The following OVCA2 variants were observed in gnomAD, a reference collection of about 807,000 sequenced individuals.
The protein encoded by OVCA2 is OVCA2 serine hydrolase domain containing.
A neutral mutation model predicts 10.1 loss-of-function variants in OVCA2; 14 were observed. That is an observed-to-expected ratio of 1.39 (90% CI 0.92 to 2.17). The LOEUF is 2.17. Among genes scored for constraint, OVCA2 ranks in the 30% most tolerant of loss-of-function variants. The probability of loss-of-function intolerance (pLI) is 0.00; values close to 1 mark genes in which losing one functional copy is unlikely to be tolerated. For synonymous variants in OVCA2, 201 were observed against 134.1 expected, an observed-to-expected ratio of 1.50 and a Z score of -3.45; for missense variants, 376 against 300.5, an observed-to-expected ratio of 1.25 and a Z score of -1.86.
Position 2,042,074 on chromosome 17 carries a change from C to T in OVCA2, c.27C>T (p.Val9=), listed in dbSNP as rs1158803339. 4 of 1,561,530 alleles carry T rather than the reference C, an allele frequency of 2.6e-6. No homozygotes were observed. The highest frequency in any genetic ancestry group is 2.4e-5 in the East Asian group (1 of 42,308). MAAQRPLR[V]LCLAGFRQSE... Reference sequence around the variant, plus strand: ...TGGCCGCGCAGCGACCCCTGCGGGTCCTGTGCCTGGCGGGCTTCCGGCAGA... The same window carrying T: ...TGGCCGCGCAGCGACCCCTGCGGGTTCTGTGCCTGGCGGGCTTCCGGCAGA... The change falls in exon 1 of 2, where the codon GTC becomes GTT. Residue 9 remains valine, a synonymous_variant. Transcript: ENST00000572195.
Position 2,043,328 on chromosome 17 carries a change from C to A in OVCA2, c.*224C>A. On this transcript the variant is annotated 3_prime_UTR_variant, in exon 2 of 2. Coordinates refer to ENST00000572195, the MANE Select transcript of OVCA2 (RefSeq NM_080822.3). ...GGACATTGACTTGTGAAAACGCAAA[C>A]ATGAATATGGTTGGAGAGCCCTGGA... is the stretch of plus-strand genomic sequence containing the variant. 1.8e-6 allele frequency: 1 copy of A among 561,972 alleles called. No individual in the cohort carries two copies. Among genetic ancestry groups the A allele is most frequent in the East Asian group, 3.0e-5 (1 of 33,582 alleles). 34.8% of individuals were successfully genotyped at this position (561,972 alleles called of 1,614,324 possible).
chr17:2,042,066 C>A lies in OVCA2; in HGVS notation c.19C>A (p.Leu7Met), dbSNP rs532074812. MAAQRP[L>M]RVLCLAGFRQ... ...GGGCATAATGGCCGCGCAGCGACCC[C>A]TGCGGGTCCTGTGCCTGGCGGGCTT... Residue 7 changes from leucine (L) to methionine (M), a missense_variant, in exon 1 of 2, where the codon CTG becomes ATG. Leu to Met is a conservative substitution (Grantham distance 15, BLOSUM62 2). Transcript: ENST00000572195. The A allele has an allele frequency of 1.3e-6, 2 of 1,552,708 alleles. No individual in the cohort carries two copies. Among genetic ancestry groups the A allele is most frequent in the East Asian group, 4.8e-5 (2 of 41,946 alleles).
Position 2,042,673 on chromosome 17 carries a change from G to A in OVCA2, c.253G>A (p.Ala85Thr), listed in dbSNP as rs886225077. The A allele has an allele frequency of 5.9e-6, 9 of 1,525,086 alleles. No individual in the cohort carries two copies. In the East Asian group the frequency reaches 1.4e-4, roughly 23 times the overall value. 94.5% of individuals were successfully genotyped at this position (1,525,086 alleles called of 1,614,324 possible). The change falls in exon 2 of 2, where the codon GCA becomes ACA. Residue 85 changes from alanine to threonine, a missense_variant. Ala to Thr is a moderately conservative substitution (Grantham distance 58, BLOSUM62 0). Transcript: ENST00000572195. ...AGAGCAGGAGGCCGACGTTTTCTCC[G>A]CATTGGAAGAGCCCGCCGTCTGCAG... ...FSEQEADVFS[A>T]LEEPAVCRGL... is the part of the protein sequence containing the mutation.
At chr17:2,042,437 C>G in intron 1 of OVCA2, 168 bp from the exon 2 acceptor site, 1 of 1,273,198 alleles carries the variant, frequency 7.9e-7, no homozygotes, top group South Asian at 1.8e-5. Flanking sequence ...CCTCCGCTGT[C>G]TCCTGTTCAG....
intron 1 of OVCA2, 41 bp downstream of exon 1, chr17:2,042,272 C>T: frequency 7.1e-7 from 1 of 1,401,802 alleles, no homozygotes; most frequent in Non-Finnish European, 9.2e-7. Context: ...CAGTTTCCTC[C>T]ATCTTGTTTC....
chr17:2,042,242 C>T lies in OVCA2; in HGVS notation c.184+11C>T, dbSNP rs918172499. The T allele has an allele frequency of 1.8e-5, 26 of 1,414,894 alleles. No individual in the cohort carries two copies. The highest frequency in any genetic ancestry group is 6.1e-5 in the African/African-American group (4 of 65,902). The allele number at this position is 1,414,894 out of a possible 1,614,324, so 87.6% of individuals were successfully genotyped here. On this transcript the variant is annotated intron_variant, in intron 1 of 1. Transcript: ENST00000572195. Reference sequence around the variant, plus strand: ...CCAGATCAGACTTCGGTGAGACAAGCCCCGCTCCGGAAACGCACTCAGTTT... The same window carrying T: ...CCAGATCAGACTTCGGTGAGACAAGTCCCGCTCCGGAAACGCACTCAGTTT...
chr17:2,042,039 C>T lies in OVCA2; in HGVS notation c.-9C>T. The T allele has an allele frequency of 6.6e-7, 1 of 1,512,384 alleles. No homozygotes were observed. 93.7% of individuals were successfully genotyped at this position (1,512,384 alleles called of 1,614,324 possible). A position where few individuals can be genotyped will look rare whatever the true frequency, so the allele number is the denominator to read the frequency against. On this transcript the variant is annotated 5_prime_UTR_variant, in exon 1 of 2. Transcript: ENST00000572195. ...CTTCCGGTGCTTCCGTCGCTCCTTGCCGGGCATAATGGCCGCGCAGCGACC... is the reference window on the plus strand; with the variant it reads ...CTTCCGGTGCTTCCGTCGCTCCTTGTCGGGCATAATGGCCGCGCAGCGACC...
chr17:2,043,283 G>A lies in OVCA2; in HGVS notation c.*179G>A. 1 of 739,632 alleles carries A rather than the reference G, an allele frequency of 1.4e-6. No homozygotes were observed. The highest frequency in any genetic ancestry group is 2.0e-5 in the South Asian group (1 of 50,038). The allele number at this position is 739,632 out of a possible 1,614,324, so 45.8% of individuals were successfully genotyped here. On this transcript the variant is annotated 3_prime_UTR_variant, in exon 2 of 2. Coordinates refer to ENST00000572195, the MANE Select transcript of OVCA2 (RefSeq NM_080822.3). ...GGGCCCTGCCCTGTACTGAAGAAAAGGGGAGCACAAGGCCTTAATGGACAT... is the reference window on the plus strand; with the variant it reads ...GGGCCCTGCCCTGTACTGAAGAAAAAGGGAGCACAAGGCCTTAATGGACAT...
Position 2,042,853 on chromosome 17 carries a change from A to G in OVCA2, c.433A>G (p.Ile145Val), listed in dbSNP as rs761320918. 1 of 1,614,024 alleles carries G rather than the reference A, an allele frequency of 6.2e-7. No homozygotes were observed. Among genetic ancestry groups the G allele is most frequent in the Admixed American group, 1.7e-5 (1 of 60,016 alleles). ...TCCCCGCTTCCCCTTGCCACGGTTT[A>G]TCCTCTTGGTGTCTGGTTTCTGTCC... is the stretch of plus-strand genomic sequence containing the variant. ...GDPRFPLPRF[I>V]LLVSGFCPRG... The change falls in exon 2 of 2, where the codon ATC (isoleucine) becomes GTC (valine). Residue 145 changes from isoleucine to valine, a missense_variant. Coordinates refer to ENST00000572195, the MANE Select transcript of OVCA2 (RefSeq NM_080822.3).
intron 1 of OVCA2, 73 bp from the exon 2 acceptor site, chr17:2,042,532 G>A: frequency 6.8e-7 from 1 of 1,476,008 alleles, no homozygotes; most frequent in Non-Finnish European, 9.0e-7. Flanking sequence ...GAACCCTCCT[G>A]CCCTTTCTCA....
In OVCA2 at chr17:2,043,031, G is replaced by C. The variant is rs1253666413; in HGVS notation, c.611G>C (p.Gly204Ala). 6.2e-7 allele frequency: 1 copy of C among 1,614,038 alleles called. No individual in the cohort carries two copies. The highest frequency in any genetic ancestry group is 1.7e-5 in the Admixed American group (1 of 60,024). ...FPGAITLTHS[G>A]GHFIPAAAPQ... ...GGAGCCATCACCCTCACCCACTCTGGTGGCCACTTCATTCCAGCAGCTGCA... is the reference window on the plus strand; with the variant it reads ...GGAGCCATCACCCTCACCCACTCTGCTGGCCACTTCATTCCAGCAGCTGCA... The change falls in exon 2 of 2, where the codon GGT becomes GCT. Residue 204 changes from glycine (G) to alanine (A), a missense_variant. Gly to Ala is a moderately conservative substitution (Grantham distance 60, BLOSUM62 0). Coordinates refer to ENST00000572195, the MANE Select transcript of OVCA2 (RefSeq NM_080822.3).
At chr17:2,042,264 G>A in intron 1 of OVCA2, 33 bp downstream of exon 1, 9 of 1,405,762 alleles carry the variant, frequency 6.4e-6, no homozygotes, top group Non-Finnish European at 8.3e-6. Context: ...AACGCACTCA[G>A]TTTCCTCCAT....
Position 2,042,129 on chromosome 17 carries a change from G to C in OVCA2, c.82G>C (p.Ala28Pro), listed in dbSNP as rs545120649. ...GCGGGGCTTCCGTGAGAAGACCGGG[G>C]CGCTGAGGAAGGCGCTGCGGGGTCG... ...SERGFREKTG[A>P]LRKALRGRAE... is the part of the protein sequence containing the mutation. The change falls in exon 1 of 2, where the codon GCG (alanine) becomes CCG (proline). Residue 28 changes from alanine (A) to proline (P), a missense_variant. Ala to Pro is a conservative substitution (Grantham distance 27). Coordinates refer to ENST00000572195, the MANE Select transcript of OVCA2 (RefSeq NM_080822.3). 1.3e-5 allele frequency: 21 copies of C among 1,557,782 alleles called. No individual in the cohort carries two copies. Among genetic ancestry groups the C allele is most frequent in the East Asian group, 7.3e-5 (3 of 40,896 alleles).
rs1597290055 is a variant in OVCA2, at chr17:2,042,056, G to A, written c.9G>A (p.Ala3=). Residue 3 remains alanine (A), a synonymous_variant, in exon 1 of 2, where the codon GCG becomes GCA. Transcript: ENST00000572195. MA[A]QRPLRVLCLA... is the part of the protein sequence containing the mutation. ...GCTCCTTGCCGGGCATAATGGCCGC[G>A]CAGCGACCCCTGCGGGTCCTGTGCC... 6.5e-7 allele frequency: 1 copy of A among 1,534,198 alleles called. No homozygotes were observed. The highest frequency in any genetic ancestry group is 8.7e-7 in the Non-Finnish European group (1 of 1,148,480).
At position 2,042,739 on chromosome 17, in the gene OVCA2, A is replaced by C. The variant is rs199716020; in HGVS notation, c.319A>C (p.Asn107His). 1.9e-6 allele frequency: 3 copies of C among 1,593,438 alleles called. No individual in the cohort carries two copies. The highest frequency in any genetic ancestry group is 3.5e-5 in the Admixed American group (2 of 56,510). ...ESLGMVAQAL[N>H]RLGPFDGLLG... ...ACTGGGGATGGTGGCACAGGCACTG[A>C]ACAGGCTGGGGCCTTTTGACGGCCT... The change falls in exon 2 of 2, where the codon AAC becomes CAC. Residue 107 changes from asparagine (N) to histidine (H), a missense_variant. By Grantham distance (68) the Asn-to-His change is moderately conservative. Transcript: ENST00000572195.
At position 2,042,250 on chromosome 17, in the gene OVCA2, C is replaced by T. The variant is rs372636580; in HGVS notation, c.184+19C>T. On this transcript the variant is annotated intron_variant, in intron 1 of 1. Transcript: ENST00000572195. ...GACTTCGGTGAGACAAGCCCCGCTC[C>T]GGAAACGCACTCAGTTTCCTCCATC... The T allele has an allele frequency of 3.4e-4, 478 of 1,410,170 alleles. No homozygotes were observed. The highest frequency in any genetic ancestry group is 4.2e-4 in the Non-Finnish European group (452 of 1,088,448). The allele number at this position is 1,410,170 out of a possible 1,614,324, so 87.4% of individuals were successfully genotyped here. A position where few individuals can be genotyped will look rare whatever the true frequency, so the allele number is the denominator to read the frequency against.
Position 2,043,164 on chromosome 17 carries a change from C to T in OVCA2, c.*60C>T. ...TCCTCTAGGGGCAGCCTCCGTCATCCATGCCCTCCCAGGACCCTCCACTCA... is the reference window on the plus strand; with the variant it reads ...TCCTCTAGGGGCAGCCTCCGTCATCTATGCCCTCCCAGGACCCTCCACTCA... On this transcript the variant is annotated 3_prime_UTR_variant, in exon 2 of 2. Transcript: ENST00000572195. 1 of 1,555,348 alleles carries T rather than the reference C, an allele frequency of 6.4e-7. No homozygotes were observed. The highest frequency in any genetic ancestry group is 8.7e-7 in the Non-Finnish European group (1 of 1,146,818).
In OVCA2 at chr17:2,043,415, G is replaced by A. The variant is rs931122716; in HGVS notation, c.*311G>A. 3.4e-6 allele frequency: 1 copy of A among 298,484 alleles called. No homozygotes were observed. Among genetic ancestry groups the A allele is most frequent in the Non-Finnish European group, 6.2e-6 (1 of 160,510 alleles). The allele number at this position is 298,484 out of a possible 1,614,324, so 18.5% of individuals were successfully genotyped here. ...CATGGTGACTGCCACATAATAAAGT[G>A]GTGATTTGGATTTTGAGCATCTTTT... On this transcript the variant is annotated 3_prime_UTR_variant, in exon 2 of 2. Coordinates refer to ENST00000572195, the MANE Select transcript of OVCA2 (RefSeq NM_080822.3).
chr17:2,042,296 C>T, intron 1 of OVCA2, 65 bp downstream of exon 1: 2 of 1,397,034 alleles, frequency 1.4e-6, no homozygotes, highest in Non-Finnish European at 1.9e-6. Flanking sequence ...CCCCTCGACA[C>T]CCTTCAGCAT....
Sources: allele counts gnomAD v4.1 joint callset, GRCh38; gene constraint gnomAD v4.1.1; transcripts MANE v1.5; gene names NCBI Gene and HGNC (gene_info 2026-07-23, HGNC 2026-07-21).